Variants in TTC27 observed in about 807,000 individuals in gnomAD.
TTC27 encodes tetratricopeptide repeat protein 27.
Under a neutral mutation model 115.9 loss-of-function variants are expected in TTC27, and 79 were observed. The ratio of observed to expected loss-of-function variants is 0.68; its 90% CI spans 0.57 to 0.82. The LOEUF is 0.82. Ranked by LOEUF, TTC27 falls within the 40% of genes least tolerant of loss-of-function variation. The probability of loss-of-function intolerance (pLI) is 0.00; values close to 1 mark genes in which losing one functional copy is unlikely to be tolerated. For synonymous variants in TTC27, 401 were observed against 356.0 expected (o/e 1.13, Z -1.42); for missense variants, 1,054 against 993.1 (o/e 1.06, Z -0.82).
chr2:32,633,116 A>G (rs1415636274), intron 2 of TTC27, among the ~76,000 whole-genome samples: 1 of 152,190 alleles, frequency 6.6e-6, no homozygotes, highest in Non-Finnish European at 1.5e-5. Flanking sequence ...TCTTTTGTAT[A>G]AAGTCAGTTT....
chr2:32,758,292 G>A lies in TTC27; in HGVS notation c.1453G>A (p.Ala485Thr). Residue 485 changes from alanine to threonine, a missense_variant and splice_region_variant, in exon 13 of 20, where the codon GCA becomes ACA. Transcript: ENST00000317907. ...CYERAGQHGK[A>T]EEILRQELEK... The stretch of plus-strand genomic sequence containing the variant: ...ATTTCATTATTTCTGTTGTTTCTAG[G>A]CAGAAGAAATCCTTAGACAAGAGCT... 1 of 1,613,716 alleles carries A rather than the reference G, an allele frequency of 6.2e-7. No individual in the cohort carries two copies. Among genetic ancestry groups the A allele is most frequent in the South Asian group, 1.1e-5 (1 of 91,018 alleles).
chr2:32,705,743 G>A (rs934180469), intron 10 of TTC27, among the ~76,000 whole-genome samples: 7 of 151,916 alleles, frequency 4.6e-5, no homozygotes, highest in African/African-American at 1.7e-4. Context: ...TTTGTCATAC[G>A]AGGTCTCACT....
intron 15 of TTC27, among the ~76,000 whole-genome samples, chr2:32,785,715 C>T (rs1670325822): frequency 6.6e-6 from 1 of 152,166 alleles, no homozygotes; most frequent in South Asian, 2.1e-4. Context: ...CCTGCCTCAG[C>T]CTCCCAAGTA....
chr2:32,644,837 G>A (rs1446042993), intron 4 of TTC27, among the ~76,000 whole-genome samples: 1 of 70,160 alleles, frequency 1.4e-5, no homozygotes, highest in African/African-American at 5.7e-5. Context: ...CCTTTCCTTC[G>A]TTCCTTCCTT....
In TTC27 at chr2:32,650,294, A is replaced by G. The variant is rs1304402791; in HGVS notation, c.640+61A>G. The G allele has an allele frequency of 4.9e-6, 6 of 1,223,268 alleles. No individual in the cohort carries two copies. In the East Asian group the frequency reaches 7.6e-5, roughly 15 times the overall value. 75.8% of individuals were successfully genotyped at this position (1,223,268 alleles called of 1,614,324 possible). A position where few individuals can be genotyped will look rare whatever the true frequency, so the allele number is the denominator to read the frequency against. Reference sequence around the variant, plus strand: ...GCTCAGTTCTAATTACTTGGCTGAGATACTCCTTTTTAGTTTATTTTTTGT... The same window carrying G: ...GCTCAGTTCTAATTACTTGGCTGAGGTACTCCTTTTTAGTTTATTTTTTGT... On this transcript the variant is annotated intron_variant, in intron 5 of 19. Transcript: ENST00000317907.
chr2:32,634,138 T>C, intron 3 of TTC27, 133 bp downstream of exon 3: 2 of 1,045,868 alleles, frequency 1.9e-6, no homozygotes, highest in Non-Finnish European at 1.3e-6. Context: ...CTAAGAATGC[T>C]TGTTCATTGA....
chr2:32,728,973 T>A (rs1304005681), intron 10 of TTC27, among the ~76,000 whole-genome samples: 1 of 141,392 alleles, frequency 7.1e-6, no homozygotes, highest in Non-Finnish European at 1.5e-5. Flanking sequence ...ATACATATTT[T>A]TATAATAAAT....
chr2:32,775,347 A>G (rs571017438), intron 13 of TTC27, among the ~76,000 whole-genome samples: 27 of 152,024 alleles, frequency 1.8e-4, no homozygotes, highest in African/African-American at 4.6e-4. Flanking sequence ...ACAGGCGCCC[A>G]CCACCACGCC....
intron 10 of TTC27, among the ~76,000 whole-genome samples, chr2:32,732,002 T>C (rs1668307905): frequency 6.6e-6 from 1 of 151,546 alleles, no homozygotes; most frequent in Admixed American, 6.6e-5. Context: ...TAATAGTAAA[T>C]TTTACAATGT....
At chr2:32,676,596 G>C in intron 8 of TTC27, among the ~76,000 whole-genome samples, 1 of 149,754 alleles carries the variant, frequency 6.7e-6, no homozygotes, top group South Asian at 2.1e-4. Context: ...GGTTCAAGCA[G>C]TTCTCTGCCT....
At chr2:32,692,037 T>TTTTTTTTTTTTTG (rs1666834833) in intron 9 of TTC27, among the ~76,000 whole-genome samples, 7 of 21,270 alleles carry the variant, frequency 3.3e-4, no homozygotes, top group Non-Finnish European at 3.3e-4. Flanking sequence ...ATTTTTTAGG[T>TTTTTTTTTTTTTG]TTTTTTTTTT....
At chr2:32,717,724 C>T (rs12712329) in intron 10 of TTC27, among the ~76,000 whole-genome samples, 45,259 of 152,044 alleles carry the variant, frequency 0.3, 7,173 homozygotes, top group Non-Finnish European at 0.36. Context: ...ACCTCAATAT[C>T]GTCTGTCATC....
In TTC27 at chr2:32,691,058, T is replaced by C. The variant is rs530090044; in HGVS notation, c.1120-11749T>C. Among the ~76,000 whole-genome samples the C allele has an allele frequency of 2.0e-5, 3 of 152,290 alleles. No homozygotes were observed. In the East Asian group the frequency reaches 5.8e-4, roughly 29 times the overall value. ...TGTTTAAAGGAGTAGCCTGGTTGTG[T>C]GTCATTTAAAGGGATCCTAGTGACC... On this transcript the variant is annotated intron_variant, in intron 9 of 19. Coordinates refer to ENST00000317907, the MANE Select transcript of TTC27 (RefSeq NM_017735.5).
Position 32,698,512 on chromosome 2 carries a change from C to G in TTC27, c.1120-4295C>G, listed in dbSNP as rs1475206714. Among the ~76,000 whole-genome samples the G allele has an allele frequency of 1.2e-4, 17 of 145,096 alleles. No individual in the cohort carries two copies. The East Asian group carries it at 3.5e-3, about 30-fold the overall frequency. On this transcript the variant is annotated intron_variant, in intron 9 of 19. Transcript: ENST00000317907. ...TTTTTTTTTTTGAGATGGAGTCTCG[C>G]TCTGTCACGCAGCCTGGAGTGCAGT...
intron 10 of TTC27, among the ~76,000 whole-genome samples, chr2:32,716,888 C>T (rs549941771): frequency 6.6e-6 from 1 of 151,984 alleles, no homozygotes; most frequent in South Asian, 2.1e-4. Flanking sequence ...GAGGCAGAGT[C>T]TTGCCATGTT....
At chr2:32,783,484 T>G (rs1473313290) in intron 15 of TTC27, among the ~76,000 whole-genome samples, 1 of 152,200 alleles carries the variant, frequency 6.6e-6, no homozygotes, top group Non-Finnish European at 1.5e-5. Flanking sequence ...GAAAGGTAGG[T>G]TGAAGTAAAA....
In TTC27 at chr2:32,802,983, G is replaced by A. The variant is rs79282793; in HGVS notation, c.1999-8041G>A. On this transcript the variant is annotated intron_variant, in intron 16 of 19. Transcript: ENST00000317907. ...GTCTTAATTTTTTTCCTGTTGGCTC[G>A]TATTTCCCTGGGGTATTGTCTGTTC... Among the ~76,000 whole-genome samples, 103 of 152,142 alleles carry A rather than the reference G, an allele frequency of 6.8e-4. 2 individuals carry two copies. In the East Asian group the frequency reaches 0.013, roughly 19 times the overall value.
intron 13 of TTC27, among the ~76,000 whole-genome samples, chr2:32,774,818 C>G (rs1669941092): frequency 6.6e-6 from 1 of 152,148 alleles, no homozygotes; most frequent in Admixed American, 6.5e-5. Context: ...CAAAGAACAC[C>G]ACTGTGTGCA....
chr2:32,757,289 T>G (rs1320640323), intron 12 of TTC27, among the ~76,000 whole-genome samples: 3 of 152,202 alleles, frequency 2.0e-5, no homozygotes, highest in African/African-American at 7.2e-5. Context: ...TGAAAGGTAC[T>G]GCTCTAAAAA....
Sources: gnomAD v4.1 joint callset for allele counts (sites outside exome capture counted in the v4.1 genomes callset) on GRCh38, gnomAD v4.1.1 for gene constraint, MANE v1.5 for transcripts, NCBI Gene and HGNC (gene_info 2026-07-23, HGNC 2026-07-21) for gene names.